RAD21: variants seen among roughly 807,000 people sequenced by gnomAD.
RAD21 encodes the protein double-strand-break repair protein rad21 homolog.
A neutral mutation model predicts 71.5 loss-of-function variants in RAD21; 18 were observed. The observed-to-expected ratio is 0.25, with a 90% CI of 0.17 to 0.37. The LOEUF (loss-of-function observed/expected upper bound fraction) is 0.37. Ranked by LOEUF, RAD21 falls within the 10% of genes least tolerant of loss-of-function variation. RAD21 has a pLI of 1.00. For synonymous variants in RAD21, 248 were observed against 254.0 expected (o/e 0.98, Z 0.22); for missense variants, 493 against 769.1 (o/e 0.64, Z 4.25).
Position 116,856,741 on chromosome 8 carries a change from C to T in RAD21, c.719G>A (p.Gly240Asp). The T allele has an allele frequency of 6.4e-7, 1 of 1,552,580 alleles. No individual in the cohort carries two copies. The highest frequency in any genetic ancestry group is 8.7e-7 in the Non-Finnish European group (1 of 1,148,476). ...GAGGGCAGGGGGATCATCAAAGATA[C>T]CGCCATCATTATTACTAATAAGTTT... ...DDKLISNNDG[G>D]IFDDPPALSE... The change falls in exon 7 of 14, where the codon GGT becomes GAT. Residue 240 changes from glycine to aspartate, a missense_variant. By Grantham distance (94) the Gly-to-Asp change is moderately conservative. Coordinates refer to ENST00000297338, the MANE Select transcript of RAD21 (RefSeq NM_006265.3).
chr8:116,852,713 T>TAAAA lies in RAD21; in HGVS notation c.1162-9_1162-6dup. ...TGTAAGACAGCGTGTAAAGAGCTAT[T>TAAAA]AAAAAAAAAAAAAAGAAAAATTTCA... is the stretch of plus-strand genomic sequence containing the variant. On this transcript the variant is annotated splice_polypyrimidine_tract_variant and splice_region_variant and intron_variant, in intron 9 of 13. Coordinates refer to ENST00000297338, the MANE Select transcript of RAD21 (RefSeq NM_006265.3). 4 of 1,178,830 alleles carry TAAAA rather than the reference T, an allele frequency of 3.4e-6. No individual in the cohort carries two copies. Among genetic ancestry groups the TAAAA allele is most frequent in the Non-Finnish European group, 4.5e-6 (4 of 892,754 alleles). The allele number at this position is 1,178,830 out of a possible 1,614,324, so 73.0% of individuals were successfully genotyped here.
At position 116,866,641 on chromosome 8, in the gene RAD21, G is replaced by A. The variant is rs1280565991; in HGVS notation, c.89C>T (p.Ala30Val). The A allele has an allele frequency of 6.2e-7, 1 of 1,613,204 alleles. No individual in the cohort carries two copies. Among genetic ancestry groups the A allele is most frequent in the Non-Finnish European group, 8.5e-7 (1 of 1,179,642 alleles). Residue 30 changes from alanine (A) to valine (V), a missense_variant, in exon 2 of 14, where the codon GCC becomes GTC. Physicochemically the swap from Ala to Val is moderately conservative, Grantham distance 64. Transcript: ENST00000297338. Reference protein sequence around the residue: ...AAHWDKKLTKAHVFECNLESS... With the variant: ...AAHWDKKLTKVHVFECNLESS... ...CTCTAAATTACACTCGAACACATGG[G>A]CTTTGGTTAGCTTCTTATCCCAATG...
chr8:116,848,798 AAAAT>A (rs748683179), intron 13 of RAD21, 144 bp downstream of exon 13: 27 of 479,260 alleles, frequency 5.6e-5, no homozygotes, highest in South Asian at 1.2e-4. Flanking sequence ...CCCTCCAGAA[AAAAT>A]AAATAAATAA....
In RAD21 at chr8:116,857,853, T is replaced by C. The variant is rs139117066; in HGVS notation, c.482-380A>G. Among the ~76,000 whole-genome samples, 873 of 152,342 alleles carry C rather than the reference T, an allele frequency of 5.7e-3. 8 individuals carry two copies. Among genetic ancestry groups the C allele is most frequent in the African/African-American group, 0.02 (821 of 41,578 alleles). On this transcript the variant is annotated intron_variant, in intron 5 of 13. Coordinates refer to ENST00000297338, the MANE Select transcript of RAD21 (RefSeq NM_006265.3). ...TTCTGGGCACAGTGGCATGTGCCTG[T>C]AGTCCCAGCTACTTGAGGCTGAAGT...
chr8:116,851,761 C>T (rs1050737519), intron 11 of RAD21, 187 bp downstream of exon 11: 3 of 498,056 alleles, frequency 6.0e-6, no homozygotes, highest in Non-Finnish European at 1.0e-5. Flanking sequence ...AAGACTGCAC[C>T]GACTCCCAGA....
In RAD21 at chr8:116,861,413, T is replaced by C. The variant is rs1486601002; in HGVS notation, c.374+428A>G. ...CCCTTTGTTGCTCTTCATAAAAAGT[T>C]ATCTCGTATGTTCATTTAAAACAAA... On this transcript the variant is annotated intron_variant, in intron 4 of 13. Coordinates refer to ENST00000297338, the MANE Select transcript of RAD21 (RefSeq NM_006265.3). Among the ~76,000 whole-genome samples the C allele has an allele frequency of 3.3e-5, 5 of 150,886 alleles. No homozygotes were observed. The East Asian group carries it at 9.7e-4, about 29-fold the overall frequency.
chr8:116,854,116 A>C, intron 9 of RAD21, 129 bp downstream of exon 9: 1 of 673,978 alleles, frequency 1.5e-6, no homozygotes, highest in Non-Finnish European at 2.5e-6. Context: ...CTGTGATTTA[A>C]GGGAGAAAAA....
At chr8:116,874,059 C>T (rs1013712628) in intron 1 of RAD21, 1 of 151,998 alleles carries the variant, frequency 6.6e-6, no homozygotes, top group African/African-American at 2.4e-5. Context: ...GGGGCACCCG[C>T]CGACCCCCCG....
chr8:116,872,536 A>G (rs1812847305), intron 1 of RAD21, among the ~76,000 whole-genome samples: 2 of 123,098 alleles, frequency 1.6e-5, no homozygotes, highest in South Asian at 6.8e-4. Flanking sequence ...ATATATATAT[A>G]CATACACACA....
intron 2 of RAD21, 59 bp from the exon 3 acceptor site, chr8:116,863,318 CTTT>C (rs1812627651): frequency 7.2e-6 from 11 of 1,522,794 alleles, no homozygotes; most frequent in African/African-American, 1.4e-5. Context: ...TCATAGTCTT[CTTT>C]TTATCTTTTT....
chr8:116,850,467 T>A, intron 12 of RAD21, 151 bp downstream of exon 12: 2 of 1,283,774 alleles, frequency 1.6e-6, no homozygotes, highest in East Asian at 4.7e-5. Flanking sequence ...TGATGATCAA[T>A]ACCACGAAGA....
chr8:116,850,590 C>A, intron 12 of RAD21, 28 bp downstream of exon 12: 10 of 1,599,030 alleles, frequency 6.3e-6, no homozygotes, highest in Non-Finnish European at 8.5e-6. Context: ...TTTGCTAAAT[C>A]TGGAATGAAA....
intron 13 of RAD21, among the ~76,000 whole-genome samples, chr8:116,848,254 T>C (rs1474485645): frequency 6.6e-6 from 1 of 152,216 alleles, no homozygotes; most frequent in Non-Finnish European, 1.5e-5. Context: ...GTGATTCTCA[T>C]GTTAATCAAG....
At chr8:116,859,696 T>TG (rs1230251742) in intron 4 of RAD21, among the ~76,000 whole-genome samples, 1 of 150,990 alleles carries the variant, frequency 6.6e-6, no homozygotes, top group Admixed American at 6.6e-5. Context: ...TGGGCCTCCC[T>TG]GTTCCTTGAG....
chr8:116,873,474 G>T (rs916855292), intron 1 of RAD21, among the ~76,000 whole-genome samples: 33 of 152,116 alleles, frequency 2.2e-4, no homozygotes, highest in African/African-American at 8.0e-4. Flanking sequence ...CTATAGACTC[G>T]CACTGCCCGC....
At chr8:116,869,230 G>A (rs1812758462) in intron 1 of RAD21, among the ~76,000 whole-genome samples, 1 of 152,040 alleles carries the variant, frequency 6.6e-6, no homozygotes, top group Non-Finnish European at 1.5e-5. Context: ...CTCAGATATA[G>A]AATATGTAAA....
chr8:116,859,001 T>A (rs532490101), intron 4 of RAD21, among the ~76,000 whole-genome samples: 3 of 140,594 alleles, frequency 2.1e-5, no homozygotes, highest in Admixed American at 7.3e-5. Context: ...AAAAAAAAAA[T>A]AGGAGGCGGC....
intron 13 of RAD21, 21 bp downstream of exon 13, chr8:116,848,925 C>T: frequency 1.9e-6 from 3 of 1,587,834 alleles, no homozygotes; most frequent in Non-Finnish European, 2.6e-6. Flanking sequence ...GCATTTTCCT[C>T]TGAGACAACA....
chr8:116,861,075 G>C (rs1282085674), intron 4 of RAD21, among the ~76,000 whole-genome samples: 1 of 151,992 alleles, frequency 6.6e-6, no homozygotes, highest in Non-Finnish European at 1.5e-5. Context: ...ATGTCAAAAA[G>C]AGAGAAAAAA....
Sources: allele counts gnomAD v4.1 joint callset (sites outside exome capture counted in the v4.1 genomes callset), GRCh38; gene constraint gnomAD v4.1.1; transcripts MANE v1.5; gene names NCBI Gene and HGNC (gene_info 2026-07-23, HGNC 2026-07-21).